CNTN2: variants seen among roughly 807,000 people sequenced by gnomAD.
CNTN2 encodes the protein contactin 2.
CNTN2 carries 53 observed loss-of-function variants against 117.5 expected under a neutral mutation model. That is an observed-to-expected ratio of 0.45 (90% CI 0.36 to 0.57). The LOEUF is 0.57. CNTN2 is among the 20% of genes least tolerant of loss of function. The probability of loss-of-function intolerance (pLI) is 0.00; values close to 1 mark genes in which losing one functional copy is unlikely to be tolerated. For missense variants in CNTN2, 1,106 were observed against 1,404.3 expected (o/e 0.79, Z 3.39); for synonymous variants, 530 against 561.7 (o/e 0.94, Z 0.80).
At chr1:205,060,379 T>C (rs1301783154) in intron 7 of CNTN2, 1 of 152,146 alleles carries the variant, frequency 6.6e-6, no homozygotes, top group Admixed American at 6.5e-5. Context: ...AATCTCTGCC[T>C]TGTGGGAAGT....
At chr1:205,071,141 C>T (rs1011062252) in intron 19 of CNTN2, among the ~76,000 whole-genome samples, 11 of 152,150 alleles carry the variant, frequency 7.2e-5, no homozygotes, top group Admixed American at 1.3e-4. Flanking sequence ...GCATGGCCTG[C>T]CCCTTTCATC....
Position 205,072,591 on chromosome 1 carries a change from A to G in CNTN2, c.2840A>G (p.Tyr947Cys). The G allele has an allele frequency of 6.2e-7, 1 of 1,610,482 alleles. No homozygotes were observed. Among genetic ancestry groups the G allele is most frequent in the Non-Finnish European group, 8.5e-7 (1 of 1,176,698 alleles). ...CGAAATGAGTCTGCAGTCACCGGCTATAAGGTGAGGAAGCAATCAGCTAGG... is the reference window on the plus strand; with the variant it reads ...CGAAATGAGTCTGCAGTCACCGGCTGTAAGGTGAGGAAGCAATCAGCTAGG... ...PFRNESAVTG[Y>C]KMLYQNDLHL... is the part of the protein sequence containing the mutation. Residue 947 changes from tyrosine (Y) to cysteine (C), a missense_variant, in exon 21 of 23, where the codon TAT becomes TGT. Transcript: ENST00000331830.
chr1:205,049,388 C>G (rs1034343152), intron 1 of CNTN2, among the ~76,000 whole-genome samples: 1 of 151,586 alleles, frequency 6.6e-6, no homozygotes, highest in Non-Finnish European at 1.5e-5. Flanking sequence ...CATACATATA[C>G]ACATATATAC....
At position 205,073,130 on chromosome 1, in the gene CNTN2, A is replaced by G. The variant is rs1361181421; in HGVS notation, c.2907A>G (p.Ile969Met). ...PTLHLTGKNWIEIPVPEDIGH... is the reference protein window; with the variant it reads ...PTLHLTGKNWMEIPVPEDIGH... ...TCCACCTCACCGGCAAGAACTGGAT[A>G]GAAATCCCAGTGCCTGAAGACATTG... Residue 969 changes from isoleucine (I) to methionine (M), a missense_variant, in exon 22 of 23, where the codon ATA (isoleucine) becomes ATG (methionine). By Grantham distance (10) the Ile-to-Met change is conservative. Transcript: ENST00000331830. The surrounding 1 kb of genome is among the most constrained non-coding windows in gnomAD (Gnocchi z 6.3). The G allele has an allele frequency of 1.2e-6, 2 of 1,614,192 alleles. No individual in the cohort carries two copies. The highest frequency in any genetic ancestry group is 1.7e-6 in the Non-Finnish European group (2 of 1,180,020).
chr1:205,045,087 C>G (rs1014187854), intron 1 of CNTN2, among the ~76,000 whole-genome samples: 4 of 152,192 alleles, frequency 2.6e-5, no homozygotes, highest in Admixed American at 2.0e-4. Flanking sequence ...ACCTGCCTCA[C>G]AGGTGCAGAG....
At chr1:205,044,801 G>C (rs1261691159) in intron 1 of CNTN2, among the ~76,000 whole-genome samples, 1 of 152,160 alleles carries the variant, frequency 6.6e-6, no homozygotes, top group African/African-American at 2.4e-5. Flanking sequence ...ACCTGGACAG[G>C]GAGATGGCCT....
At position 205,073,812 on chromosome 1, in the gene CNTN2, G is replaced by C; in HGVS notation, c.*47G>C. On this transcript the variant is annotated 3_prime_UTR_variant, in exon 23 of 23. Transcript: ENST00000331830. The surrounding 1 kb of genome is among the most constrained non-coding windows in gnomAD (Gnocchi z 6.3). ...GCCGCAGCTGGACGCCACCTCCGAC[G>C]GACACAGCCAGCCCCTTCCTGCTGC... 6.7e-7 allele frequency: 1 copy of C among 1,502,538 alleles called. No homozygotes were observed. The highest frequency in any genetic ancestry group is 9.2e-7 in the Non-Finnish European group (1 of 1,089,628). 93.1% of individuals were successfully genotyped at this position (1,502,538 alleles called of 1,614,324 possible).
rs1158855320 is a variant in CNTN2, at chr1:205,077,882, GT to G, written c.*4120del. ...CATCAGACCACTGACTTGACTCAGT[GT>G]TTGTTAAAATGGAACCACTCCCGTT... On this transcript the variant is annotated 3_prime_UTR_variant, in exon 23 of 23. Transcript: ENST00000331830. The G allele has an allele frequency of 6.6e-6, 1 of 152,196 alleles. No homozygotes were observed. The allele number at this position is 152,196 out of a possible 1,614,324, so 9.4% of individuals were successfully genotyped here.
chr1:205,062,616 G>A (rs2242001), intron 10 of CNTN2, 47 bp downstream of exon 10: 294,512 of 1,576,514 alleles, frequency 0.19, 29,629 homozygotes, highest in East Asian at 0.39. Flanking sequence ...CATGCATATG[G>A]TGGCTTTCAG....
At position 205,062,517 on chromosome 1, in the gene CNTN2, G is replaced by A; in HGVS notation, c.1188G>A (p.Val396=). 1 of 1,614,114 alleles carries A rather than the reference G, an allele frequency of 6.2e-7. No individual in the cohort carries two copies. The highest frequency in any genetic ancestry group is 8.5e-7 in the Non-Finnish European group (1 of 1,180,004). The change falls in exon 10 of 23, where the codon GTG becomes GTA. Residue 396 remains valine, a synonymous_variant. Coordinates refer to ENST00000331830, the MANE Select transcript of CNTN2 (RefSeq NM_005076.5). The stretch of plus-strand genomic sequence containing the variant: ...AAGACTCGGGCATGTACCAGTGTGT[G>A]GCAGAGAATAAGCACGGTACCATCT... ...SLEDSGMYQC[V]AENKHGTIYA...
At chr1:205,052,799 T>C (rs2096455116) in intron 1 of CNTN2, among the ~76,000 whole-genome samples, 1 of 152,138 alleles carries the variant, frequency 6.6e-6, no homozygotes, top group African/African-American at 2.4e-5. Context: ...GCAGGTGGGT[T>C]CTTACCTCCC....
chr1:205,061,941 C>A lies in CNTN2; in HGVS notation c.1050C>A (p.Ala350=). 1 of 1,610,062 alleles carries A rather than the reference C, an allele frequency of 6.2e-7. No homozygotes were observed. The highest frequency in any genetic ancestry group is 8.5e-7 in the Non-Finnish European group (1 of 1,178,134). The change falls in exon 9 of 23, where the codon GCC becomes GCA. Residue 350 remains alanine (A), a synonymous_variant. Coordinates refer to ENST00000331830, the MANE Select transcript of CNTN2 (RefSeq NM_005076.5). The surrounding 1 kb of genome is among the most constrained non-coding windows in gnomAD (Gnocchi z 4.8). The part of the protein sequence containing the change: ...IGSNLRWGCA[A]AGKPRPTVRW... ...CCAACCTGCGTTGGGGCTGTGCAGC[C>A]GCCGGCAAGCCCCGGCCTACAGTGC... is the stretch of plus-strand genomic sequence containing the variant.
At position 205,073,860 on chromosome 1, in the gene CNTN2, A is replaced by G; in HGVS notation, c.*95A>G. ...TGCCAAGGTGGCCTGACACTGTGCC[A>G]GAGAGTGGCTGGTTTTAAATACCTA... On this transcript the variant is annotated 3_prime_UTR_variant, in exon 23 of 23. Coordinates refer to ENST00000331830, the MANE Select transcript of CNTN2 (RefSeq NM_005076.5). This position sits in a 1 kb window ranked among gnomAD's most constrained non-coding sequence, Gnocchi z 6.3. 1 of 983,462 alleles carries G rather than the reference A, an allele frequency of 1.0e-6. No individual in the cohort carries two copies. Among genetic ancestry groups the G allele is most frequent in the Non-Finnish European group, 1.6e-6 (1 of 637,556 alleles). 60.9% of individuals were successfully genotyped at this position (983,462 alleles called of 1,614,324 possible).
At chr1:205,050,624 A>C (rs372791616) in intron 1 of CNTN2, among the ~76,000 whole-genome samples, 3 of 122,472 alleles carry the variant, frequency 2.4e-5, no homozygotes, top group African/African-American at 9.6e-5. Context: ...TGTTCTGAGT[A>C]CATTTTTTTT....
chr1:205,067,280 T>C, intron 16 of CNTN2, 30 bp downstream of exon 16: 1 of 1,600,162 alleles, frequency 6.2e-7, no homozygotes, highest in Non-Finnish European at 8.5e-7. Flanking sequence ...CAAAAAGCTA[T>C]CATCAGGGCA....
chr1:205,062,386 T>G, intron 9 of CNTN2, 54 bp from the exon 10 acceptor site: 4 of 1,562,666 alleles, frequency 2.6e-6, no homozygotes, highest in Non-Finnish European at 3.5e-6. Flanking sequence ...CAACCCCTCC[T>G]CCCTGTGGCT....
intron 2 of CNTN2, among the ~76,000 whole-genome samples, chr1:205,053,848 C>T (rs1268659783): frequency 1.3e-5 from 2 of 152,206 alleles, no homozygotes; most frequent in Admixed American, 1.3e-4. Flanking sequence ...GCAAATGGAC[C>T]AAGCATAGAA....
At chr1:205,050,904 C>T (rs1310961792) in intron 1 of CNTN2, among the ~76,000 whole-genome samples, 1 of 152,250 alleles carries the variant, frequency 6.6e-6, no homozygotes, top group African/African-American at 2.4e-5. Flanking sequence ...CAGGCGTGAG[C>T]CACGGTGCCC....
chr1:205,050,278 AGTGTGT>A (rs3073631), intron 1 of CNTN2, among the ~76,000 whole-genome samples: 51,927 of 145,328 alleles, frequency 0.36, 10,283 homozygotes, highest in Non-Finnish European at 0.48. Flanking sequence ...TAGAGCTCTG[AGTGTGT>A]GTGTGTGTGT....
Sources: gnomAD v4.1 joint callset for allele counts (sites outside exome capture counted in the v4.1 genomes callset) on GRCh38, gnomAD v4.1.1 for gene constraint, Gnocchi (gnomAD v3.1) non-coding constraint, MANE v1.5 for transcripts, NCBI Gene and HGNC (gene_info 2026-07-23, HGNC 2026-07-21) for gene names.